Variants in ZDHHC15 observed in about 807,000 individuals in gnomAD.
ZDHHC15 encodes palmitoyltransferase ZDHHC15.
Under a neutral mutation model 31.7 loss-of-function variants are expected in ZDHHC15, and 19 were observed. That is an observed-to-expected ratio of 0.60 (90% CI 0.42 to 0.88). ZDHHC15 has a LOEUF of 0.88. Ranked by LOEUF, ZDHHC15 falls within the 40% of genes least tolerant of loss-of-function variation. ZDHHC15 has a pLI of 0.00. For missense variants in ZDHHC15, 209 were observed against 251.2 expected (o/e 0.83, Z 1.14); for synonymous variants, 103 against 90.0 (o/e 1.14, Z -0.82).
At chrX:75,513,878 C>CAAAA (rs201148072) in intron 1 of ZDHHC15, among the ~76,000 whole-genome samples, 1 of 103,127 alleles carries the variant, frequency 9.7e-6, no homozygotes, top group East Asian at 3.0e-4. Flanking sequence ...TTTTACATAA[C>CAAAA]AAAAAAAAAA....
chrX:75,414,426 C>CTTTTTTTT (rs1177332052), intron 10 of ZDHHC15, among the ~76,000 whole-genome samples: 1 of 66,203 alleles, frequency 1.5e-5, no homozygotes, highest in Non-Finnish European at 2.5e-5. Flanking sequence ...CATATTTTAT[C>CTTTTTTTT]TTTTTTTTTT....
In ZDHHC15 at chrX:75,482,037, C is replaced by G. The variant is rs145959161; in HGVS notation, c.164-3052G>C. Among the ~76,000 whole-genome samples, 899 of 111,555 alleles carry G rather than the reference C, an allele frequency of 8.1e-3. 11 individuals are homozygous for G. The highest frequency in any genetic ancestry group is 0.027 in the African/African-American group (830 of 30,752). On this transcript the variant is annotated intron_variant, in intron 2 of 11. Coordinates refer to ENST00000373367, the MANE Select transcript of ZDHHC15 (RefSeq NM_144969.3). ...AAGGAATGAAGATAATGGTGTAAGA[C>G]GCCCATAAGGTGTGCCCAAGATCTC...
At chrX:75,481,764 T>C (rs1484020709) in intron 2 of ZDHHC15, among the ~76,000 whole-genome samples, 5 of 111,536 alleles carry the variant, frequency 4.5e-5, no homozygotes, top group Non-Finnish European at 9.4e-5. Context: ...GTTTCTTCAG[T>C]CCCAGTCCAG....
At chrX:75,452,745 C>T (rs1370872662) in intron 3 of ZDHHC15, among the ~76,000 whole-genome samples, 3 of 111,854 alleles carry the variant, frequency 2.7e-5, no homozygotes, top group Non-Finnish European at 3.8e-5. Context: ...GTCAAAACCG[C>T]ACAACTACAT....
chrX:75,497,683 A>G (rs773100871), intron 2 of ZDHHC15, among the ~76,000 whole-genome samples: 1 of 112,010 alleles, frequency 8.9e-6, no homozygotes, highest in Non-Finnish European at 1.9e-5. Context: ...ATACGCAAGC[A>G]ATAAATATGA....
At chrX:75,377,141 C>T (rs947461187) in intron 11 of ZDHHC15, among the ~76,000 whole-genome samples, 7 of 111,392 alleles carry the variant, frequency 6.3e-5, no homozygotes, top group Admixed American at 9.6e-5. Flanking sequence ...AACAATTCTT[C>T]ATATCTTAAT....
At chrX:75,411,202 T>C (rs1358092889) in intron 10 of ZDHHC15, among the ~76,000 whole-genome samples, 1 of 73,963 alleles carries the variant, frequency 1.4e-5, no homozygotes, top group African/African-American at 4.0e-5. Context: ...TAGTTAACAA[T>C]AATCTATTGT....
At chrX:75,474,459 A>G (rs1278952343) in intron 3 of ZDHHC15, among the ~76,000 whole-genome samples, 1 of 102,520 alleles carries the variant, frequency 9.8e-6, no homozygotes, top group Non-Finnish European at 2.0e-5. Context: ...ACACACACAC[A>G]CACACACACA....
At chrX:75,411,365 G>C (rs1388589554) in intron 10 of ZDHHC15, among the ~76,000 whole-genome samples, 2 of 110,731 alleles carry the variant, frequency 1.8e-5, no homozygotes, top group Non-Finnish European at 3.8e-5. Flanking sequence ...GGTGCCCACC[G>C]CCACGCCCGG....
intron 3 of ZDHHC15, among the ~76,000 whole-genome samples, chrX:75,457,027 C>A (rs1030587884): frequency 9.0e-6 from 1 of 111,709 alleles, no homozygotes; most frequent in Non-Finnish European, 1.9e-5. Context: ...GTGTTTGGCA[C>A]AGTGTAAGTA....
intron 1 of ZDHHC15, among the ~76,000 whole-genome samples, chrX:75,516,456 G>C (rs1967593510): frequency 8.9e-6 from 1 of 112,287 alleles, no homozygotes. Flanking sequence ...TCTGCTCTTT[G>C]TCAAACCTGA....
chrX:75,494,062 A>G (rs1348413255), intron 2 of ZDHHC15, among the ~76,000 whole-genome samples: 1 of 111,637 alleles, frequency 9.0e-6, no homozygotes, highest in African/African-American at 3.3e-5. Flanking sequence ...ATCTCCTTAA[A>G]CTGATAGGCA....
chrX:75,418,747 T>C (rs1432018617), intron 9 of ZDHHC15, among the ~76,000 whole-genome samples: 1 of 112,074 alleles, frequency 8.9e-6, no homozygotes, highest in East Asian at 2.8e-4. Flanking sequence ...GAAAACTGGC[T>C]AGCCATATGC....
chrX:75,444,687 T>TATACACACAC (rs2084007375), intron 4 of ZDHHC15, among the ~76,000 whole-genome samples: 6 of 29,499 alleles, frequency 2.0e-4, no homozygotes, highest in Non-Finnish European at 3.2e-4. Flanking sequence ...TATATATATA[T>TATACACACAC]ACACACACAC....
At chrX:75,411,702 A>G (rs911335114) in intron 10 of ZDHHC15, among the ~76,000 whole-genome samples, 1 of 112,103 alleles carries the variant, frequency 8.9e-6, no homozygotes, top group African/African-American at 3.2e-5. Flanking sequence ...CCACAGTGCA[A>G]TTTTGAGTTC....
intron 10 of ZDHHC15, among the ~76,000 whole-genome samples, chrX:75,393,076 T>C (rs978978268): frequency 9.0e-6 from 1 of 111,160 alleles, no homozygotes; most frequent in Non-Finnish European, 1.9e-5. Flanking sequence ...GACGCCCTAA[T>C]GGATCTCCTG....
In ZDHHC15 at chrX:75,516,571, A is replaced by G. The variant is rs190409047; in HGVS notation, c.136+6318T>C. On this transcript the variant is annotated intron_variant, in intron 1 of 11. Coordinates refer to ENST00000373367, the MANE Select transcript of ZDHHC15 (RefSeq NM_144969.3). Reference sequence around the variant, plus strand: ...AAACTGGATCCCTTCCTTACACCTTATACAAAAATTAATTCAAGATGGATT... The same window carrying G: ...AAACTGGATCCCTTCCTTACACCTTGTACAAAAATTAATTCAAGATGGATT... Among the ~76,000 whole-genome samples, 882 of 112,356 alleles carry G rather than the reference A, an allele frequency of 7.9e-3. 11 individuals are homozygous for G. Among genetic ancestry groups the G allele is most frequent in the African/African-American group, 0.026 (810 of 30,901 alleles).
At chrX:75,399,255 TG>T (rs2083330546) in intron 10 of ZDHHC15, among the ~76,000 whole-genome samples, 1 of 111,747 alleles carries the variant, frequency 8.9e-6, no homozygotes, top group African/African-American at 3.3e-5. Context: ...AGCAACTCCC[TG>T]GACAGAGCCT....
chrX:75,509,241 G>A (rs1231343937), intron 1 of ZDHHC15, among the ~76,000 whole-genome samples: 1 of 111,665 alleles, frequency 9.0e-6, no homozygotes, highest in African/African-American at 3.2e-5. Context: ...GCAACCTACA[G>A]AATGGGAGAA....
Sources: gnomAD v4.1 joint callset for allele counts (sites outside exome capture counted in the v4.1 genomes callset) on GRCh38, gnomAD v4.1.1 for gene constraint, MANE v1.5 for transcripts, NCBI Gene and HGNC (gene_info 2026-07-23, HGNC 2026-07-21) for gene names.